Variants in GPRC6A observed in about 807,000 individuals in gnomAD.
GPRC6A encodes the protein G protein-coupled receptor family C group 6 member A.
A neutral mutation model predicts 47.0 loss-of-function variants in GPRC6A; 54 were observed. That is an observed-to-expected ratio of 1.15 (90% CI 0.92 to 1.44). GPRC6A has a LOEUF of 1.44. GPRC6A is among the 40% of genes most tolerant of loss of function. The pLI, the probability that GPRC6A is intolerant of heterozygous loss-of-function variation, is 0.00. For missense variants in GPRC6A, 1,112 were observed against 1,105.5 expected, an observed-to-expected ratio of 1.01 and a Z score of -0.08; for synonymous variants, 347 against 377.1, an observed-to-expected ratio of 0.92 and a Z score of 0.93.
chr6:116,818,277 G>A (rs80006356), intron 1 of GPRC6A, among the ~76,000 whole-genome samples: 1 of 151,842 alleles, frequency 6.6e-6, no homozygotes. Context: ...GCTCACGCCT[G>A]TAATCCCAGC....
intron 3 of GPRC6A, among the ~76,000 whole-genome samples, chr6:116,804,757 T>G (rs1772785392): frequency 6.6e-6 from 1 of 152,112 alleles, no homozygotes; most frequent in African/African-American, 2.4e-5. Flanking sequence ...TAATTTAAAA[T>G]ACTTTCTCTA....
intron 5 of GPRC6A, among the ~76,000 whole-genome samples, chr6:116,793,814 G>A (rs1772394392): frequency 6.6e-6 from 1 of 152,172 alleles, no homozygotes; most frequent in African/African-American, 2.4e-5. Flanking sequence ...TATGGGAGTT[G>A]CTATCGTGAA....
At chr6:116,818,024 C>T (rs992985294) in intron 1 of GPRC6A, among the ~76,000 whole-genome samples, 1 of 152,094 alleles carries the variant, frequency 6.6e-6, no homozygotes, top group African/African-American at 2.4e-5. Flanking sequence ...TCAGGAAATA[C>T]AGAGAACGCC....
Position 116,792,465 on chromosome 6 carries a change from T to C in GPRC6A, c.2458A>G (p.Ile820Val). 6.2e-7 allele frequency: 1 copy of C among 1,613,794 alleles called. No homozygotes were observed. The highest frequency in any genetic ancestry group is 2.2e-5 in the East Asian group (1 of 44,884). ...VPAVEIIVILISNYGILYCTF... is the reference protein window; with the variant it reads ...VPAVEIIVILVSNYGILYCTF... ...CAATACAGGATTCCATAGTTAGATA[T>C]TAATATGACAATAATCTCCACAGCT... The change falls in exon 6 of 6, where the codon ATA becomes GTA. Residue 820 changes from isoleucine to valine, a missense_variant. Ile to Val is a conservative substitution (Grantham distance 29, BLOSUM62 3). Transcript: ENST00000310357.
chr6:116,795,156 G>T (rs949950054), intron 5 of GPRC6A, among the ~76,000 whole-genome samples: 1 of 152,010 alleles, frequency 6.6e-6, no homozygotes, highest in Non-Finnish European at 1.5e-5. Flanking sequence ...TTAAAGATAG[G>T]GTTGGCAAAC....
Position 116,800,816 on chromosome 6 carries a change from A to T in GPRC6A, c.1336-20T>A, listed in dbSNP as rs1258489075. 1.4e-5 allele frequency: 20 copies of T among 1,446,436 alleles called. No individual in the cohort carries two copies. The Admixed American group carries it at 2.9e-4, about 21-fold the overall frequency. 89.6% of individuals were successfully genotyped at this position (1,446,436 alleles called of 1,614,324 possible). Reference sequence around the variant, plus strand: ...AAGTAACTATAAAAAATAAAAACAGAGATAAGCACTTAATATAAATGTTGC... The same window carrying T: ...AAGTAACTATAAAAAATAAAAACAGTGATAAGCACTTAATATAAATGTTGC... On this transcript the variant is annotated intron_variant, in intron 3 of 5. Coordinates refer to ENST00000310357, the MANE Select transcript of GPRC6A (RefSeq NM_148963.4).
Position 116,792,990 on chromosome 6 carries a change from C to T in GPRC6A, c.1933G>A (p.Ala645Thr), listed in dbSNP as rs752106270. ...VILLCHFLNFASTSFFIGEPQ... is the reference protein window; with the variant it reads ...VILLCHFLNFTSTSFFIGEPQ... ...TCTCCAATGAAAAAGCTCGTGCTGG[C>T]AAAATTGAGGAAATGACAGAGAAGG... The change falls in exon 6 of 6, where the codon GCC becomes ACC. Residue 645 changes from alanine to threonine, a missense_variant. Coordinates refer to ENST00000310357, the MANE Select transcript of GPRC6A (RefSeq NM_148963.4). 1.2e-6 allele frequency: 2 copies of T among 1,614,024 alleles called. No individual in the cohort carries two copies. Among genetic ancestry groups the T allele is most frequent in the South Asian group, 2.2e-5 (2 of 91,074 alleles).
intron 4 of GPRC6A, 148 bp from the exon 5 acceptor site, chr6:116,795,983 G>C: frequency 3.7e-6 from 2 of 541,024 alleles, no homozygotes; most frequent in Non-Finnish European, 6.4e-6. Flanking sequence ...TGCCATCGTG[G>C]GAAATGTAAA....
At chr6:116,816,687 G>T (rs1773221884) in intron 1 of GPRC6A, among the ~76,000 whole-genome samples, 1 of 152,248 alleles carries the variant, frequency 6.6e-6, no homozygotes, top group South Asian at 2.1e-4. Context: ...CACGCACCGT[G>T]CGCGAACCGA....
chr6:116,827,202 T>C (rs1356102370), intron 1 of GPRC6A, among the ~76,000 whole-genome samples: 1 of 151,970 alleles, frequency 6.6e-6, no homozygotes, highest in Non-Finnish European at 1.5e-5. Flanking sequence ...AAGAGAGGAC[T>C]TGAATTGTTC....
In GPRC6A at chr6:116,800,630, A is replaced by G; in HGVS notation, c.1502T>C (p.Phe501Ser). Residue 501 changes from phenylalanine to serine, a missense_variant, in exon 4 of 6, where the codon TTC becomes TCC. Transcript: ENST00000310357. ...TTTTGTTTCCTGATCTGGGATGATG[A>G]AGACATCATTCTGTAGGTCATATTC... ...MAEYDLQNDV[F>S]IIPDQETKNE... The G allele has an allele frequency of 6.2e-7, 1 of 1,613,542 alleles. No individual in the cohort carries two copies. The highest frequency in any genetic ancestry group is 1.3e-5 in the African/African-American group (1 of 74,996).
chr6:116,806,997 G>A lies in GPRC6A; in HGVS notation c.708C>T (p.Asn236=), dbSNP rs772554360. Residue 236 remains asparagine (N), a synonymous_variant, in exon 3 of 6, where the codon AAC becomes AAT. Transcript: ENST00000310357. ...GAACCTCTTTGAAGGCTATGCACACGTTATTTGCTTCAGCCTGAATTATAA... is the reference window on the plus strand; with the variant it reads ...GAACCTCTTTGAAGGCTATGCACACATTATTTGCTTCAGCCTGAATTATAA... The part of the protein sequence containing the change: ...NTFIIQAEAN[N]VCIAFKEVLP... 18 of 1,613,466 alleles carry A rather than the reference G, an allele frequency of 1.1e-5. No homozygotes were observed. The highest frequency in any genetic ancestry group is 6.7e-5 in the Admixed American group (4 of 59,900).
intron 3 of GPRC6A, 142 bp downstream of exon 3, chr6:116,806,228 T>C (rs1772831338): frequency 1.6e-6 from 1 of 611,296 alleles, no homozygotes; most frequent in Admixed American, 2.7e-5. Flanking sequence ...ATAGAAATGC[T>C]GGTTATTTAA....
chr6:116,811,848 A>G (rs917297511), intron 1 of GPRC6A, among the ~76,000 whole-genome samples: 2 of 152,162 alleles, frequency 1.3e-5, no homozygotes, highest in African/African-American at 4.8e-5. Flanking sequence ...AAAGAATTAA[A>G]AAAAGCTAAA....
chr6:116,813,648 A>G (rs1388749848), intron 1 of GPRC6A, among the ~76,000 whole-genome samples: 3 of 152,222 alleles, frequency 2.0e-5, no homozygotes, highest in Admixed American at 6.5e-5. Context: ...CTAAAACCAT[A>G]AAAACCCTAG....
intron 1 of GPRC6A, among the ~76,000 whole-genome samples, chr6:116,814,227 C>A (rs1029152537): frequency 6.6e-6 from 1 of 152,188 alleles, no homozygotes; most frequent in African/African-American, 2.4e-5. Flanking sequence ...CTGGAATTAT[C>A]ATTTGACCTA....
chr6:116,818,989 C>T (rs1773353096), intron 1 of GPRC6A, among the ~76,000 whole-genome samples: 1 of 151,872 alleles, frequency 6.6e-6, no homozygotes, highest in African/African-American at 2.4e-5. Context: ...CACACATAGG[C>T]TCAAAATAAA....
At chr6:116,813,517 C>T (rs775384805) in intron 1 of GPRC6A, among the ~76,000 whole-genome samples, 23 of 152,138 alleles carry the variant, frequency 1.5e-4, no homozygotes, top group Non-Finnish European at 2.9e-4. Flanking sequence ...AAGGGATTCC[C>T]TGTTTAATAA....
intron 3 of GPRC6A, 128 bp downstream of exon 3, chr6:116,806,242 C>T (rs1772831716): frequency 3.1e-6 from 2 of 649,318 alleles, no homozygotes; most frequent in Admixed American, 2.5e-5. Context: ...TATTTAAACA[C>T]TGAAAGTGTC....
Sources: allele counts gnomAD v4.1 joint callset (sites outside exome capture counted in the v4.1 genomes callset), GRCh38; gene constraint gnomAD v4.1.1; transcripts MANE v1.5; gene names NCBI Gene and HGNC (gene_info 2026-07-23, HGNC 2026-07-21).